Variants in MIP observed in about 807,000 individuals in gnomAD.
MIP encodes major intrinsic protein of lens fiber, also known as lens fiber major intrinsic protein.
In MIP, 14 loss-of-function variants were observed where a neutral mutation model predicts 21.8. That is an observed-to-expected ratio of 0.64 (90% CI 0.42 to 1.00). The LOEUF (loss-of-function observed/expected upper bound fraction) is 1.00, where lower values mean the gene tolerates loss of function less well. MIP is among the 50% of genes least tolerant of loss of function. The pLI, the probability that MIP is intolerant of heterozygous loss-of-function variation, is 0.00. For missense variants in MIP, 260 were observed against 333.5 expected, an observed-to-expected ratio of 0.78 and a Z score of 1.72; for synonymous variants, 133 against 141.4, an observed-to-expected ratio of 0.94 and a Z score of 0.42.
Position 56,451,053 on chromosome 12 carries a change from G to A in MIP, c.*227C>T, listed in dbSNP as rs370958002. 29 of 558,466 alleles carry A rather than the reference G, an allele frequency of 5.2e-5. No individual in the cohort carries two copies. The East Asian group carries it at 7.0e-4, about 14-fold the overall frequency. 34.6% of individuals were successfully genotyped at this position (558,466 alleles called of 1,614,324 possible). On this transcript the variant is annotated 3_prime_UTR_variant, in exon 4 of 4. Transcript: ENST00000652304. Reference sequence around the variant, plus strand: ...TGCACAATCAGCACACACGGCGAAGGGTGGTGGGATGGGGAGGAAGGGAAG... The same window carrying A: ...TGCACAATCAGCACACACGGCGAAGAGTGGTGGGATGGGGAGGAAGGGAAG...
Position 56,454,218 on chromosome 12 carries a change from C to T in MIP, c.360+36G>A, listed in dbSNP as rs537308300. 42 of 1,613,810 alleles carry T rather than the reference C, an allele frequency of 2.6e-5. No individual in the cohort carries two copies. The African/African-American group carries it at 5.1e-4, about 19-fold the overall frequency. On this transcript the variant is annotated intron_variant, in intron 1 of 3. Transcript: ENST00000652304. ...GAGTCAGGGCAATAGAGAGACAGGACACCAGGTTCCCCATCCCCTCTCAGC... is the reference window on the plus strand; with the variant it reads ...GAGTCAGGGCAATAGAGAGACAGGATACCAGGTTCCCCATCCCCTCTCAGC...
intron 3 of MIP, among the ~76,000 whole-genome samples, chr12:56,451,818 C>G (rs1351691836): frequency 6.6e-6 from 1 of 152,060 alleles, no homozygotes; most frequent in Non-Finnish European, 1.5e-5. Flanking sequence ...ACAAGACGGG[C>G]GGATCACAAG....
intron 3 of MIP, among the ~76,000 whole-genome samples, chr12:56,451,747 G>T (rs1358677642): frequency 6.6e-6 from 1 of 152,100 alleles, no homozygotes; most frequent in Non-Finnish European, 1.5e-5. Context: ...AATATTTTTG[G>T]ACAGGCGCAG....
upstream of MIP, among the ~76,000 whole-genome samples, chr12:56,454,891 G>T (rs1233393436): frequency 1.3e-5 from 2 of 152,186 alleles, no homozygotes; most frequent in Non-Finnish European, 2.9e-5. Flanking sequence ...TACGAGAAGT[G>T]GGGGTGAAGA....
At position 56,451,307 on chromosome 12, in the gene MIP, A is replaced by G. The variant is rs1868606568; in HGVS notation, c.765T>C (p.Pro255=). The change falls in exon 4 of 4, where the codon CCT becomes CCC. Residue 255 remains proline (P), a synonymous_variant. Transcript: ENST00000652304. ...ACAGGGCCTGGGTGTTCAGTTCAAC[A>G]GGTTCCCCTGTGACCTCTGGTTGTC... is the stretch of plus-strand genomic sequence containing the variant. The part of the protein sequence containing the change: ...SNGQPEVTGE[P]VELNTQAL The G allele has an allele frequency of 6.2e-7, 1 of 1,613,756 alleles. No individual in the cohort carries two copies.
chr12:56,453,876 A>C (rs1423947434), intron 1 of MIP, 121 bp from the exon 2 acceptor site: 2 of 966,782 alleles, frequency 2.1e-6, no homozygotes, highest in Non-Finnish European at 1.6e-6. Flanking sequence ...GGATAATACA[A>C]CCCCCTTCAT....
At chr12:56,453,344 T>G (rs984458030) in intron 2 of MIP, among the ~76,000 whole-genome samples, 192 bp from the exon 3 acceptor site, 6 of 152,196 alleles carry the variant, frequency 3.9e-5, no homozygotes, top group African/African-American at 1.4e-4. Context: ...GGGAACAGAC[T>G]ATGGATCCAT....
chr12:56,454,385 C>A lies in MIP; in HGVS notation c.229G>T (p.Val77Leu). Residue 77 changes from valine (V) to leucine (L), a missense_variant, in exon 1 of 4, where the codon GTG (valine) becomes TTG (leucine). Physicochemically the swap from Val to Leu is conservative, Grantham distance 32. Coordinates refer to ENST00000652304, the MANE Select transcript of MIP (RefSeq NM_012064.4). The stretch of plus-strand genomic sequence containing the variant: ...CGGAGCAGGGACATCTGGGAGCCCA[C>A]AAGGAAAGCAAAAGTGACTGCAGGA... Reference protein sequence around the residue: ...VNPAVTFAFLVGSQMSLLRAF... With the variant: ...VNPAVTFAFLLGSQMSLLRAF... 1 of 1,614,092 alleles carries A rather than the reference C, an allele frequency of 6.2e-7. No individual in the cohort carries two copies. Among genetic ancestry groups the A allele is most frequent in the Non-Finnish European group, 8.5e-7 (1 of 1,180,034 alleles).
In MIP at chr12:56,451,345, C is replaced by T. The variant is rs200279042; in HGVS notation, c.727G>A (p.Asp243Asn). ...ACCTCTGGTTGTCCATTGGAGACAT[C>T]GGGTTTGGCACCCTTGAGGACAGAC... ...RLSVLKGAKPDVSNGQPEVTG... is the reference protein window; with the variant it reads ...RLSVLKGAKPNVSNGQPEVTG... The change falls in exon 4 of 4, where the codon GAT becomes AAT. Residue 243 changes from aspartate to asparagine, a missense_variant. Transcript: ENST00000652304. The T allele has an allele frequency of 2.9e-5, 47 of 1,614,020 alleles. No individual in the cohort carries two copies. The highest frequency in any genetic ancestry group is 8.3e-5 in the Admixed American group (5 of 60,018).
In MIP at chr12:56,450,886, G is replaced by C. The variant is rs1455873603; in HGVS notation, c.*394C>G. ...AGAGCCACACACTTGACTGGCAGCA[G>C]GGTAAAGGCCAGAAACTTAAGGTGT... On this transcript the variant is annotated 3_prime_UTR_variant, in exon 4 of 4. Transcript: ENST00000652304. 5 of 193,930 alleles carry C rather than the reference G, an allele frequency of 2.6e-5. No homozygotes were observed. The highest frequency in any genetic ancestry group is 4.3e-5 in the Non-Finnish European group (4 of 92,154). 12.0% of individuals were successfully genotyped at this position (193,930 alleles called of 1,614,324 possible).
chr12:56,452,756 T>G (rs1194657275), intron 3 of MIP: 1 of 410,280 alleles, frequency 2.4e-6, no homozygotes, highest in East Asian at 5.3e-5. Context: ...ACAACACATC[T>G]TGATCTCTGA....
In MIP at chr12:56,453,082, G is replaced by C; in HGVS notation, c.596C>G (p.Thr199Ser). ...TCTCCCTTCACTCACCCAGTGGTTA[G>C]TGAAGTTCCCAGTGAGAATGGCAGG... ...FAPAILTGNFTNHWVYWVGPI... is the reference protein window; with the variant it reads ...FAPAILTGNFSNHWVYWVGPI... The change falls in exon 3 of 4, where the codon ACT becomes AGT. Residue 199 changes from threonine to serine, a missense_variant. Coordinates refer to ENST00000652304, the MANE Select transcript of MIP (RefSeq NM_012064.4). 6.2e-7 allele frequency: 1 copy of C among 1,610,952 alleles called. No individual in the cohort carries two copies.
At chr12:56,455,001 A>G (rs2269347), upstream of MIP, among the ~76,000 whole-genome samples, 454 of 152,144 alleles carry the variant, frequency 3.0e-3, 14 homozygotes, top group East Asian at 0.062. Context: ...CTCTCTTTGG[A>G]AGGTCCATCA....
intron 2 of MIP, among the ~76,000 whole-genome samples, chr12:56,453,368 G>A (rs1868681249): frequency 6.6e-6 from 1 of 152,200 alleles, no homozygotes; most frequent in Non-Finnish European, 1.5e-5. Flanking sequence ...CAAAGCCCAT[G>A]TCTAGCCATG....
In MIP at chr12:56,453,627, G is replaced by A. The variant is rs543406345; in HGVS notation, c.489C>T (p.Ala163=). 68 of 1,614,236 alleles carry A rather than the reference G, an allele frequency of 4.2e-5. No homozygotes were observed. In the South Asian group the frequency reaches 6.0e-4, roughly 14 times the overall value. The change falls in exon 2 of 4, where the codon GCC becomes GCT. Residue 163 remains alanine, a synonymous_variant. Coordinates refer to ENST00000652304, the MANE Select transcript of MIP (RefSeq NM_012064.4). ...RNGQLGSVAL[A]VGFSLALGHL... ...GCCCCAGGGCAAGGGAGAAGCCAAC[G>A]GCCAGGGCCACGGAGCCCAGTTGGC... is the stretch of plus-strand genomic sequence containing the variant.
intron 3 of MIP, chr12:56,452,853 G>A: frequency 1.7e-6 from 1 of 599,274 alleles, no homozygotes; most frequent in South Asian, 1.9e-5. Flanking sequence ...CATACTCCCT[G>A]ACTAACCAGA....
intron 3 of MIP, chr12:56,452,726 G>A: frequency 2.7e-6 from 1 of 366,520 alleles, no homozygotes; most frequent in Non-Finnish European, 5.2e-6. Flanking sequence ...CTGGAATGGG[G>A]CTGAGGCCCA....
chr12:56,456,126 C>T (rs1157898944), upstream of MIP, among the ~76,000 whole-genome samples: 5 of 152,174 alleles, frequency 3.3e-5, no homozygotes, highest in African/African-American at 1.2e-4. Context: ...GAAGCCTCAT[C>T]AGTCTCCTGA....
chr12:56,451,033 A>C lies in MIP; in HGVS notation c.*247T>G, dbSNP rs1170346780. On this transcript the variant is annotated 3_prime_UTR_variant, in exon 4 of 4. Coordinates refer to ENST00000652304, the MANE Select transcript of MIP (RefSeq NM_012064.4). ...CAGCCACACTCACATTCATATGCACAATCAGCACACACGGCGAAGGGTGGT... is the reference window on the plus strand; with the variant it reads ...CAGCCACACTCACATTCATATGCACCATCAGCACACACGGCGAAGGGTGGT... The C allele has an allele frequency of 1.9e-6, 1 of 522,906 alleles. No individual in the cohort carries two copies. The highest frequency in any genetic ancestry group is 3.4e-6 in the Non-Finnish European group (1 of 290,146). The allele number at this position is 522,906 out of a possible 1,614,324, so 32.4% of individuals were successfully genotyped here. A position where few individuals can be genotyped will look rare whatever the true frequency, so the allele number is the denominator to read the frequency against.
Sources: gnomAD v4.1 joint callset for allele counts (sites outside exome capture counted in the v4.1 genomes callset) on GRCh38, gnomAD v4.1.1 for gene constraint, MANE v1.5 for transcripts, NCBI Gene and HGNC (gene_info 2026-07-23, HGNC 2026-07-21) for gene names.